The following LRRC37A2 variants were observed in gnomAD, a reference collection of about 807,000 sequenced individuals.
The protein encoded by LRRC37A2 is leucine rich repeat containing 37 member A2.
A neutral mutation model predicts 68.8 loss-of-function variants in LRRC37A2; 9 were observed. The ratio of observed to expected loss-of-function variants is 0.13; its 90% confidence interval spans 0.08 to 0.23. The LOEUF is 0.23. Among genes scored for constraint, LRRC37A2 ranks in the 10% least tolerant of loss-of-function variants. The probability of loss-of-function intolerance (pLI) is 1.00; values close to 1 mark genes in which losing one functional copy is unlikely to be tolerated. For synonymous variants in LRRC37A2, 63 were observed against 367.6 expected, an observed-to-expected ratio of 0.17 and a Z score of 9.48; for missense variants, 168 against 950.4, an observed-to-expected ratio of 0.18 and a Z score of 10.82.
the LRRC37A2 span, among the ~76,000 whole-genome samples, chr17:46,790,935 G>A: frequency 3.3e-5 from 5 of 152,214 alleles, no homozygotes; most frequent in Admixed American, 6.5e-5. Context: ...AGCCTCATGC[G>A]TCATCTGGAA....
At chr17:47,039,880 G>A in the LRRC37A2 span, among the ~76,000 whole-genome samples, 135,589 of 148,322 alleles carry the variant, frequency 0.91, 62,486 homozygotes, top group East Asian at 0.99. Flanking sequence ...TGTTCCTCAG[G>A]GTCAACAATC....
At chr17:46,977,094 C>T in the LRRC37A2 span, among the ~76,000 whole-genome samples, 1 of 152,168 alleles carries the variant, frequency 6.6e-6, no homozygotes, top group Non-Finnish European at 1.5e-5. Flanking sequence ...GGAGCCAGGA[C>T]GACTCTGGAT....
chr17:46,848,928 A>G, the LRRC37A2 span, among the ~76,000 whole-genome samples: 1 of 143,852 alleles, frequency 7.0e-6, no homozygotes, highest in East Asian at 2.2e-4. Flanking sequence ...ACATGTGTGC[A>G]CGTGCACACA....
At chr17:46,787,360 G>A in the LRRC37A2 span, among the ~76,000 whole-genome samples, 1 of 152,178 alleles carries the variant, frequency 6.6e-6, no homozygotes, top group Non-Finnish European at 1.5e-5. Context: ...TCTGTAAATG[G>A]CCACGCATGT....
At chr17:46,496,991 T>C in the LRRC37A2 span, among the ~76,000 whole-genome samples, 1 of 140,276 alleles carries the variant, frequency 7.1e-6, no homozygotes, top group Non-Finnish European at 1.5e-5. Context: ...TGTTTTTGAC[T>C]AGTGTTAAAA....
the LRRC37A2 span, among the ~76,000 whole-genome samples, chr17:47,011,320 G>C: frequency 6.6e-6 from 1 of 152,108 alleles, no homozygotes; most frequent in Non-Finnish European, 1.5e-5. Context: ...GAGGCAAGGT[G>C]GGTAGATCAC....
chr17:46,800,702 A>G, the LRRC37A2 span, among the ~76,000 whole-genome samples: 42 of 152,216 alleles, frequency 2.8e-4, no homozygotes, highest in Middle Eastern at 6.8e-3. Flanking sequence ...TCATCCCACA[A>G]CCTGTCTTTG....
chr17:46,642,102 AT>A, the LRRC37A2 span, among the ~76,000 whole-genome samples: 2 of 99,882 alleles, frequency 2.0e-5, 1 homozygote, highest in East Asian at 1.0e-3. Flanking sequence ...AGAAAAAAAT[AT>A]TTTTCATCGC....
the LRRC37A2 span, among the ~76,000 whole-genome samples, chr17:46,851,950 G>C: frequency 0.2 from 29,787 of 151,802 alleles, 3,560 homozygotes; most frequent in East Asian, 0.5. This position sits in a 1 kb window ranked among gnomAD's most constrained non-coding sequence, Gnocchi z 4.3. Flanking sequence ...GTCTCTGGTC[G>C]CCCCCCAGCC....
chr17:46,990,876 G>C, the LRRC37A2 span, among the ~76,000 whole-genome samples: 28 of 152,216 alleles, frequency 1.8e-4, no homozygotes, highest in Middle Eastern at 0.01. Flanking sequence ...TCACCATGTT[G>C]TCCAGGCTGA....
At chr17:46,497,035 C>T in the LRRC37A2 span, among the ~76,000 whole-genome samples, 234 of 132,344 alleles carry the variant, frequency 1.8e-3, 6 homozygotes, top group African/African-American at 6.8e-3. Context: ...TGCTTTTAAT[C>T]TAGATATCAT....
the LRRC37A2 span, chr17:47,027,430 C>T: frequency 3.6e-6 from 2 of 551,036 alleles, no homozygotes; most frequent in East Asian, 6.5e-5. Flanking sequence ...AGTTCAAATA[C>T]AAGTCCAAAC....
At chr17:46,787,861 C>T in the LRRC37A2 span, among the ~76,000 whole-genome samples, 3 of 151,092 alleles carry the variant, frequency 2.0e-5, no homozygotes, top group Non-Finnish European at 4.4e-5. Flanking sequence ...GAGGCTGAGA[C>T]AGGAGAATCG....
intron 2 of LRRC37A2, 42 bp from the exon 2 acceptor site, chr17:46,517,319 GT>G (rs2051525753): frequency 1.4e-6 from 1 of 726,418 alleles, no homozygotes; most frequent in Non-Finnish European, 2.1e-6. Context: ...CGTGTTCATT[GT>G]TTTCCTACCT....
At chr17:46,980,361 T>C in the LRRC37A2 span, among the ~76,000 whole-genome samples, 98 of 151,844 alleles carry the variant, frequency 6.5e-4, no homozygotes, top group African/African-American at 2.3e-3. Context: ...CCTTCTTCTT[T>C]CTTTCTCTTC....
chr17:46,800,938 G>C, the LRRC37A2 span, among the ~76,000 whole-genome samples: 2 of 152,162 alleles, frequency 1.3e-5, no homozygotes, highest in East Asian at 1.9e-4. Context: ...GAGAAGGCAG[G>C]GGGTAGCACA....
the LRRC37A2 span, among the ~76,000 whole-genome samples, chr17:46,868,670 C>G: frequency 3.2e-4 from 49 of 152,168 alleles, no homozygotes; most frequent in African/African-American, 1.2e-3. Context: ...ACTAAGGAAG[C>G]CCACTTGAAT....
chr17:46,732,593 ATGAT>A, the LRRC37A2 span, among the ~76,000 whole-genome samples: 1 of 152,202 alleles, frequency 6.6e-6, no homozygotes, highest in Non-Finnish European at 1.5e-5. Context: ...AGTTAATTTC[ATGAT>A]TGATTTATTA....
the LRRC37A2 span, chr17:46,409,017 G>C: frequency 2.4e-6 from 1 of 411,914 alleles, no homozygotes; most frequent in Non-Finnish European, 4.1e-6. Flanking sequence ...AGTACTAACT[G>C]TGTTTCTGTC....
Sources: gnomAD v4.1 joint callset for allele counts (sites outside exome capture counted in the v4.1 genomes callset) on GRCh38, gnomAD v4.1.1 for gene constraint, Gnocchi (gnomAD v3.1) non-coding constraint, MANE v1.5 for transcripts, NCBI Gene and HGNC (gene_info 2026-07-23, HGNC 2026-07-21) for gene names.